LIN28B: variants seen among roughly 807,000 people sequenced by gnomAD.
LIN28B encodes lin-28 RNA binding posttranscriptional regulator B.
In LIN28B, 5 loss-of-function variants were observed where a neutral mutation model predicts 21.9. The observed-to-expected ratio is 0.23, with a 90% confidence interval of 0.12 to 0.48. LIN28B has a LOEUF of 0.48. LIN28B is among the 20% of genes least tolerant of loss of function. The pLI, the probability that LIN28B is intolerant of heterozygous loss-of-function variation, is 0.98. For synonymous variants in LIN28B, 109 were observed against 111.3 expected (o/e 0.98, Z 0.13); for missense variants, 245 against 310.5 (o/e 0.79, Z 1.58).
chr6:104,957,019 G>A, upstream of LIN28B: 2 of 1,335,852 alleles, frequency 1.5e-6, no homozygotes, highest in East Asian at 5.6e-5. Flanking sequence ...TTAAGGATAC[G>A]AGGTGAAATT....
At chr6:105,024,728 A>G (rs1002082078) in intron 2 of LIN28B, among the ~76,000 whole-genome samples, 3 of 152,110 alleles carry the variant, frequency 2.0e-5, no homozygotes, top group South Asian at 4.1e-4. Context: ...TGCTTTCACA[A>G]TGAATGGTCT....
At chr6:105,065,309 A>G (rs776981659) in intron 3 of LIN28B, among the ~76,000 whole-genome samples, 14 of 152,332 alleles carry the variant, frequency 9.2e-5, no homozygotes, top group Middle Eastern at 3.4e-3. Context: ...AACACCATAC[A>G]AGACTTTATC....
chr6:105,034,068 C>A (rs920919042), intron 3 of LIN28B, among the ~76,000 whole-genome samples: 2 of 151,724 alleles, frequency 1.3e-5, no homozygotes, highest in African/African-American at 4.8e-5. Context: ...TAAAAATGTG[C>A]ATAATTTTAA....
chr6:105,058,611 T>A (rs142029419), intron 3 of LIN28B, among the ~76,000 whole-genome samples: 1 of 152,362 alleles, frequency 6.6e-6, no homozygotes, highest in East Asian at 1.9e-4. Context: ...CACTGACTTT[T>A]CAGTGCCATC....
chr6:105,046,228 C>T (rs1771758091), intron 3 of LIN28B, among the ~76,000 whole-genome samples: 1 of 152,080 alleles, frequency 6.6e-6, no homozygotes, highest in Non-Finnish European at 1.5e-5. Context: ...CAAGTGTTCT[C>T]ATTGTTCAAT....
chr6:104,944,163 A>G (rs1055636485), intron 2 of LIN28B, among the ~76,000 whole-genome samples: 1 of 152,122 alleles, frequency 6.6e-6, no homozygotes, highest in Non-Finnish European at 1.5e-5. Flanking sequence ...TTGAATTGGA[A>G]TCATCAGAAA....
chr6:105,013,492 C>A (rs568964298), intron 2 of LIN28B, among the ~76,000 whole-genome samples: 1 of 151,860 alleles, frequency 6.6e-6, no homozygotes, highest in Non-Finnish European at 1.5e-5. Context: ...AATCCCAGCA[C>A]TTTGGGAGGT....
At chr6:104,986,500 C>T (rs1770347143) in intron 2 of LIN28B, among the ~76,000 whole-genome samples, 1 of 150,014 alleles carries the variant, frequency 6.7e-6, no homozygotes, top group Admixed American at 6.7e-5. Flanking sequence ...CTTTTCTTCT[C>T]CTTACAAATT....
intron 3 of LIN28B, among the ~76,000 whole-genome samples, chr6:105,035,380 A>G (rs979977013): frequency 2.0e-5 from 3 of 152,076 alleles, no homozygotes; most frequent in African/African-American, 4.8e-5. Context: ...GTAGGTTCCT[A>G]TTGTGGCAGA....
chr6:105,026,327 C>G lies in LIN28B; in HGVS notation c.228C>G (p.Ser76Arg). The G allele has an allele frequency of 6.2e-7, 1 of 1,609,742 alleles. No individual in the cohort carries two copies. Among genetic ancestry groups the G allele is most frequent in the Non-Finnish European group, 8.5e-7 (1 of 1,178,158 alleles). ...AACTATTCATGGAAGGATTTAGAAG[C>G]CTAAAAGAAGGAGAACCAGTGGAAT... ...QSKLFMEGFR[S>R]LKEGEPVEFT... The change falls in exon 3 of 4, where the codon AGC (serine) becomes AGG (arginine). Residue 76 changes from serine to arginine, a missense_variant. Transcript: ENST00000345080.
chr6:104,938,679 A>G (rs1384622291), intron 2 of LIN28B, among the ~76,000 whole-genome samples: 1 of 151,804 alleles, frequency 6.6e-6, no homozygotes, highest in African/African-American at 2.4e-5. Flanking sequence ...GAAATTGCCA[A>G]GAGCCATACG....
At chr6:104,982,120 C>T (rs1475257880) in intron 2 of LIN28B, among the ~76,000 whole-genome samples, 1 of 152,010 alleles carries the variant, frequency 6.6e-6, no homozygotes, top group East Asian at 1.9e-4. Context: ...TGAGACCATC[C>T]TGGCTAACAC....
chr6:105,045,396 C>G (rs1771735190), intron 3 of LIN28B, among the ~76,000 whole-genome samples: 1 of 149,782 alleles, frequency 6.7e-6, no homozygotes, highest in Admixed American at 6.7e-5. Context: ...AAGCAATTCT[C>G]CTGCCTCAGC....
At chr6:104,969,123 G>GA (rs1229042528) in intron 2 of LIN28B, among the ~76,000 whole-genome samples, 2 of 151,642 alleles carry the variant, frequency 1.3e-5, no homozygotes, top group African/African-American at 2.4e-5. Flanking sequence ...ATTTTCACAA[G>GA]AAAAAAAGCT....
intron 2 of LIN28B, among the ~76,000 whole-genome samples, chr6:104,994,630 G>A (rs1223272523): frequency 6.6e-6 from 1 of 152,158 alleles, no homozygotes; most frequent in Non-Finnish European, 1.5e-5. Flanking sequence ...TGTAAGAGTC[G>A]ATTATTAATT....
intron 2 of LIN28B, among the ~76,000 whole-genome samples, chr6:105,018,098 C>T (rs1264345228): frequency 1.3e-5 from 2 of 151,526 alleles, no homozygotes; most frequent in Admixed American, 6.6e-5. Context: ...CTGGTCTTGG[C>T]AACATAGTGA....
At chr6:105,043,521 C>T (rs993651975) in intron 3 of LIN28B, among the ~76,000 whole-genome samples, 6 of 150,864 alleles carry the variant, frequency 4.0e-5, no homozygotes, top group Non-Finnish European at 8.8e-5. Flanking sequence ...TTTTTATAAA[C>T]TTAATAAGAT....
chr6:104,998,044 T>C (rs1261116908), intron 2 of LIN28B, among the ~76,000 whole-genome samples: 7 of 152,360 alleles, frequency 4.6e-5, no homozygotes, highest in African/African-American at 1.7e-4. Context: ...TTAAGTCCTT[T>C]TGTTATCCAT....
chr6:104,975,397 T>C (rs1301030650), intron 2 of LIN28B, among the ~76,000 whole-genome samples: 8 of 152,192 alleles, frequency 5.3e-5, no homozygotes, highest in Non-Finnish European at 8.8e-5. Flanking sequence ...TTGTTTTAAA[T>C]GCTTGCTAAC....
Sources: allele counts gnomAD v4.1 joint callset (sites outside exome capture counted in the v4.1 genomes callset), GRCh38; gene constraint gnomAD v4.1.1; transcripts MANE v1.5; gene names NCBI Gene and HGNC (gene_info 2026-07-23, HGNC 2026-07-21).